The following EEPD1 variants were observed in gnomAD, a reference collection of about 807,000 sequenced individuals.
The protein encoded by EEPD1 is endonuclease/exonuclease/phosphatase family domain-containing protein 1.
In EEPD1, 17 loss-of-function variants were observed where a neutral mutation model predicts 46.3. The observed-to-expected ratio is 0.37, with a 90% CI of 0.25 to 0.55. The LOEUF (loss-of-function observed/expected upper bound fraction) is 0.55. Among genes scored for constraint, EEPD1 ranks in the 20% least tolerant of loss-of-function variants. The pLI, the probability that EEPD1 is intolerant of heterozygous loss-of-function variation, is 0.83. For synonymous variants in EEPD1, 313 were observed against 315.6 expected, an observed-to-expected ratio of 0.99 and a Z score of 0.09; for missense variants, 673 against 745.6, an observed-to-expected ratio of 0.90 and a Z score of 1.13.
At chr7:36,220,447 G>GGATTAAGAATAACCAAAAA (rs1786124715) in intron 2 of EEPD1, among the ~76,000 whole-genome samples, 1 of 152,092 alleles carries the variant, frequency 6.6e-6, no homozygotes, top group Admixed American at 6.5e-5. Context: ...ATAACCACGT[G>GGATTAAGAATAACCAAAAA]GATTAAGAAT....
At chr7:36,237,168 C>T (rs1327956929) in intron 2 of EEPD1, among the ~76,000 whole-genome samples, 5 of 152,226 alleles carry the variant, frequency 3.3e-5, no homozygotes, top group African/African-American at 1.2e-4. Context: ...CTCAAGTCAG[C>T]GAAACCACGA....
chr7:36,161,518 A>C (rs1784900880), intron 2 of EEPD1, among the ~76,000 whole-genome samples: 1 of 152,108 alleles, frequency 6.6e-6, no homozygotes. Context: ...GCTGAAAGTC[A>C]GCATCCACCC....
chr7:36,218,633 T>C lies in EEPD1; in HGVS notation c.879-20352T>C, dbSNP rs143757093. 3.5e-3 allele frequency among the ~76,000 whole-genome samples: 533 copies of C among 152,318 alleles called. 4 individuals carry two copies. The highest frequency in any genetic ancestry group is 0.012 in the African/African-American group (506 of 41,572). ...CGGTGCAGTGTGAGATTGTGAATTGTATATTTCCAGAATTTTCCATTTAAT... is the reference window on the plus strand; with the variant it reads ...CGGTGCAGTGTGAGATTGTGAATTGCATATTTCCAGAATTTTCCATTTAAT... On this transcript the variant is annotated intron_variant, in intron 2 of 7. Transcript: ENST00000242108.
intron 3 of EEPD1, among the ~76,000 whole-genome samples, chr7:36,240,447 G>T (rs1665415625): frequency 6.6e-6 from 1 of 152,194 alleles, no homozygotes; most frequent in Non-Finnish European, 1.5e-5. Flanking sequence ...TAGAGCTGCT[G>T]CCTGACCTCA....
rs1283865189 is a variant in EEPD1 at position 36,301,284 on chromosome 7, T to C, written c.*2078T>C. On this transcript the variant is annotated 3_prime_UTR_variant, in exon 8 of 8. Coordinates refer to ENST00000242108, the MANE Select transcript of EEPD1 (RefSeq NM_030636.3). ...TTACTCCAGCTCAACCCATTGGGTG[T>C]TGGCTGTTTTTGGTTTTAGTTGTTG... 6 of 152,308 alleles carry C rather than the reference T, an allele frequency of 3.9e-5. No homozygotes were observed. Among genetic ancestry groups the C allele is most frequent in the African/African-American group, 1.4e-4 (6 of 41,572 alleles). The allele number at this position is 152,308 out of a possible 1,614,324, so 9.4% of individuals were successfully genotyped here.
intron 3 of EEPD1, among the ~76,000 whole-genome samples, chr7:36,266,090 G>A (rs550059731): frequency 1.1e-4 from 17 of 152,170 alleles, no homozygotes; most frequent in Admixed American, 2.0e-4. Context: ...CTGTGTTTCC[G>A]CTCTCACTTG....
At chr7:36,234,595 C>T (rs1786395872) in intron 2 of EEPD1, among the ~76,000 whole-genome samples, 1 of 151,848 alleles carries the variant, frequency 6.6e-6, no homozygotes, top group Non-Finnish European at 1.5e-5. Flanking sequence ...TCACTTGAAC[C>T]CTGGAGGTCA....
intron 2 of EEPD1, among the ~76,000 whole-genome samples, chr7:36,214,052 C>A (rs1785985041): frequency 1.3e-5 from 2 of 152,104 alleles, no homozygotes. Flanking sequence ...AGACAGCAGA[C>A]ACCAGTGCCA....
At chr7:36,277,001 T>C (rs984126631) in intron 3 of EEPD1, among the ~76,000 whole-genome samples, 1 of 152,272 alleles carries the variant, frequency 6.6e-6, no homozygotes, top group Non-Finnish European at 1.5e-5. Flanking sequence ...AAGAGTATTA[T>C]TTCTTCCTTT....
chr7:36,243,788 A>G (rs960643345), intron 3 of EEPD1, among the ~76,000 whole-genome samples: 1 of 151,982 alleles, frequency 6.6e-6, no homozygotes, highest in Non-Finnish European at 1.5e-5. Flanking sequence ...TCAGTAAACT[A>G]TCGCAAGGAC....
chr7:36,271,146 C>T (rs1286876909), intron 3 of EEPD1, among the ~76,000 whole-genome samples: 1 of 152,034 alleles, frequency 6.6e-6, no homozygotes, highest in African/African-American at 2.4e-5. Flanking sequence ...GCCACCACGC[C>T]CGGCTAATTT....
At chr7:36,250,253 A>G (rs932271029) in intron 3 of EEPD1, among the ~76,000 whole-genome samples, 1 of 152,206 alleles carries the variant, frequency 6.6e-6, no homozygotes, top group Admixed American at 6.5e-5. Flanking sequence ...TACTAATTAC[A>G]TAACTTTTTT....
intron 2 of EEPD1, among the ~76,000 whole-genome samples, chr7:36,176,382 T>A (rs975407308): frequency 6.6e-6 from 1 of 151,956 alleles, no homozygotes. Context: ...AGAGGCAGGG[T>A]TTCCTACCCC....
At chr7:36,291,291 A>C (rs978839049) in intron 6 of EEPD1, among the ~76,000 whole-genome samples, 4 of 152,150 alleles carry the variant, frequency 2.6e-5, no homozygotes, top group African/African-American at 9.7e-5. Flanking sequence ...ATATTTATTG[A>C]GTGCCTGCTG....
In EEPD1 at chr7:36,193,421, G is replaced by T. The variant is rs1380955344; in HGVS notation, c.878+38219G>T. On this transcript the variant is annotated intron_variant, in intron 2 of 7. Coordinates refer to ENST00000242108, the MANE Select transcript of EEPD1 (RefSeq NM_030636.3). This position sits in a 1 kb window ranked among gnomAD's most constrained non-coding sequence, Gnocchi z 4.9. ...GGAGGACAAAGGAGAGATGCAGCTA[G>T]ATGAGGAGAGAACAGCCACTTCATG... Among the ~76,000 whole-genome samples the T allele has an allele frequency of 6.6e-6, 1 of 152,218 alleles. No individual in the cohort carries two copies. The highest frequency in any genetic ancestry group is 2.4e-5 in the African/African-American group (1 of 41,466).
At chr7:36,292,713 G>T (rs577554718) in intron 6 of EEPD1, among the ~76,000 whole-genome samples, 6 of 152,154 alleles carry the variant, frequency 3.9e-5, no homozygotes, top group African/African-American at 1.2e-4. Flanking sequence ...TCACTATGTC[G>T]GCCAGGCTGG....
chr7:36,195,327 G>A (rs1203879805), intron 2 of EEPD1, among the ~76,000 whole-genome samples: 3 of 152,224 alleles, frequency 2.0e-5, no homozygotes, highest in Admixed American at 6.5e-5. Flanking sequence ...CCCAGTGGAT[G>A]GATGGCTGGC....
chr7:36,154,031 C>T lies in EEPD1; in HGVS notation c.-192-102C>T. 2 of 444,704 alleles carry T rather than the reference C, an allele frequency of 4.5e-6. No homozygotes were observed. Among genetic ancestry groups the T allele is most frequent in the Admixed American group, 7.9e-5 (2 of 25,372 alleles). 27.5% of individuals were successfully genotyped at this position (444,704 alleles called of 1,614,324 possible). A position where few individuals can be genotyped will look rare whatever the true frequency, so the allele number is the denominator to read the frequency against. On this transcript the variant is annotated intron_variant, in intron 1 of 7. Transcript: ENST00000242108. The surrounding 1 kb of genome is among the most constrained non-coding windows in gnomAD (Gnocchi z 4.2). Reference sequence around the variant, plus strand: ...GTTTTTAGGGGTTCACGGGCAGCCACCAGTCCCCGACTCCTGGTTACTAAC... The same window carrying T: ...GTTTTTAGGGGTTCACGGGCAGCCATCAGTCCCCGACTCCTGGTTACTAAC...
chr7:36,191,691 T>C (rs746371190), intron 2 of EEPD1, among the ~76,000 whole-genome samples: 20 of 152,250 alleles, frequency 1.3e-4, no homozygotes, highest in Non-Finnish European at 2.8e-4. Flanking sequence ...TGGTGTGTTA[T>C]AGTTTGAGCC....
Sources: gnomAD v4.1 joint callset for allele counts (sites outside exome capture counted in the v4.1 genomes callset) on GRCh38, gnomAD v4.1.1 for gene constraint, Gnocchi (gnomAD v3.1) non-coding constraint, MANE v1.5 for transcripts, NCBI Gene and HGNC (gene_info 2026-07-23, HGNC 2026-07-21) for gene names.